Variants in GRIK2 observed in about 807,000 individuals in gnomAD.
GRIK2 encodes the protein glutamate ionotropic receptor kainate type subunit 2, also known as glutamate receptor ionotropic, kainate 2.
GRIK2 carries 32 observed loss-of-function variants against 100.3 expected under a neutral mutation model. The ratio of observed to expected loss-of-function variants is 0.32; its 90% CI spans 0.24 to 0.43. The LOEUF (loss-of-function observed/expected upper bound fraction) is 0.43. Ranked by LOEUF, GRIK2 falls within the 20% of genes least tolerant of loss-of-function variation. GRIK2 has a pLI of 1.00. For synonymous variants in GRIK2, 417 were observed against 389.4 expected, an observed-to-expected ratio of 1.07 and a Z score of -0.83; for missense variants, 843 against 1,114.9, an observed-to-expected ratio of 0.76 and a Z score of 3.47.
intron 12 of GRIK2, among the ~76,000 whole-genome samples, chr6:101,901,302 A>G (rs1787832228): frequency 6.6e-6 from 1 of 152,068 alleles, no homozygotes; most frequent in Non-Finnish European, 1.5e-5. Flanking sequence ...AAAAAAATGT[A>G]TATTGATAGC....
chr6:101,481,705 T>G (rs1468925622), intron 2 of GRIK2, among the ~76,000 whole-genome samples: 1 of 152,160 alleles, frequency 6.6e-6, no homozygotes, highest in African/African-American at 2.4e-5. Context: ...TTAAATATAT[T>G]TTGCCATGTA....
At position 101,964,172 on chromosome 6, in the gene GRIK2, A is replaced by G. The variant is rs184228594; in HGVS notation, c.2085+35540A>G. 2.3e-3 allele frequency among the ~76,000 whole-genome samples: 349 copies of G among 150,900 alleles called. 7 individuals carry two copies. The highest frequency in any genetic ancestry group is 0.019 in the East Asian group (100 of 5,166). On this transcript the variant is annotated intron_variant, in intron 14 of 16. Coordinates refer to ENST00000369134, the MANE Select transcript of GRIK2 (RefSeq NM_021956.5). ...TATTTCATTAATGTATAATATATAC[A>G]TACTATATCATTACACATATAACAT...
chr6:101,485,064 C>A (rs771933647), intron 2 of GRIK2, among the ~76,000 whole-genome samples: 17 of 152,124 alleles, frequency 1.1e-4, no homozygotes, highest in Non-Finnish European at 2.9e-5. Flanking sequence ...AGTACAATGA[C>A]AACAACCTTG....
At chr6:101,871,180 C>T (rs1043977606) in intron 11 of GRIK2, among the ~76,000 whole-genome samples, 1 of 151,632 alleles carries the variant, frequency 6.6e-6, no homozygotes, top group Non-Finnish European at 1.5e-5. Context: ...TCCTGGGCAA[C>T]ACATGGTTTA....
intron 7 of GRIK2, among the ~76,000 whole-genome samples, chr6:101,687,924 T>C (rs1225153963): frequency 6.6e-6 from 1 of 150,946 alleles, no homozygotes; most frequent in Non-Finnish European, 1.5e-5. Context: ...CTAGAAAAAA[T>C]TATAAATGTT....
At chr6:101,777,528 C>G (rs1435189005) in intron 7 of GRIK2, among the ~76,000 whole-genome samples, 2 of 151,994 alleles carry the variant, frequency 1.3e-5, no homozygotes, top group East Asian at 1.9e-4. Context: ...ATTTTTCAAG[C>G]AAGAAAATCT....
At chr6:101,892,739 A>G (rs1007666516) in intron 12 of GRIK2, among the ~76,000 whole-genome samples, 1 of 151,848 alleles carries the variant, frequency 6.6e-6, no homozygotes, top group Non-Finnish European at 1.5e-5. Context: ...TGTATTAAGC[A>G]ATATATAATA....
chr6:101,932,611 A>G (rs548084211), intron 14 of GRIK2, among the ~76,000 whole-genome samples: 1 of 151,408 alleles, frequency 6.6e-6, no homozygotes, highest in South Asian at 2.1e-4. Flanking sequence ...CATTATTGTT[A>G]AATTACTAAT....
At chr6:101,581,235 C>CAT (rs34699853) in intron 2 of GRIK2, among the ~76,000 whole-genome samples, 53,352 of 150,470 alleles carry the variant, frequency 0.35, 10,381 homozygotes, top group African/African-American at 0.52. Context: ...CACTCACACA[C>CAT]ATATATGTGT....
At chr6:101,733,891 C>G (rs2128372920) in intron 7 of GRIK2, among the ~76,000 whole-genome samples, 1 of 152,110 alleles carries the variant, frequency 6.6e-6, no homozygotes, top group East Asian at 1.9e-4. Flanking sequence ...TAATTTGTAA[C>G]AAGAATCACA....
intron 9 of GRIK2, among the ~76,000 whole-genome samples, chr6:101,817,049 T>G (rs994256433): frequency 1.3e-5 from 2 of 152,200 alleles, no homozygotes; most frequent in Admixed American, 1.3e-4. Flanking sequence ...CCTGAAGCCT[T>G]TCATTATTGA....
intron 9 of GRIK2, among the ~76,000 whole-genome samples, chr6:101,804,363 A>G (rs189665574): frequency 4.5e-4 from 69 of 152,102 alleles, no homozygotes; most frequent in African/African-American, 1.6e-3. Flanking sequence ...TTAGAACACA[A>G]TGTGAGTTTA....
At chr6:101,441,040 C>T (rs1360533268) in intron 2 of GRIK2, among the ~76,000 whole-genome samples, 4 of 149,708 alleles carry the variant, frequency 2.7e-5, no homozygotes, top group African/African-American at 7.4e-5. Flanking sequence ...TGCAGTGTTG[C>T]AATCATAGCT....
intron 10 of GRIK2, among the ~76,000 whole-genome samples, chr6:101,845,920 A>G (rs1783781089): frequency 6.6e-6 from 1 of 152,086 alleles, no homozygotes. Flanking sequence ...AATGATGTTG[A>G]GCATGTTTCT....
intron 2 of GRIK2, among the ~76,000 whole-genome samples, chr6:101,462,105 CT>C (rs1253558707): frequency 7.9e-5 from 12 of 152,106 alleles, no homozygotes; most frequent in Admixed American, 7.9e-4. Context: ...TAATATACCT[CT>C]TTCAGGGTGT....
At chr6:102,018,288 C>A (rs939574875) in intron 14 of GRIK2, among the ~76,000 whole-genome samples, 3 of 152,090 alleles carry the variant, frequency 2.0e-5, no homozygotes, top group African/African-American at 7.2e-5. Flanking sequence ...CTGGAAGGAA[C>A]TGGAATTGTG....
At chr6:101,754,598 A>C (rs1765984860) in intron 7 of GRIK2, among the ~76,000 whole-genome samples, 2 of 152,226 alleles carry the variant, frequency 1.3e-5, no homozygotes, top group Admixed American at 6.5e-5. Flanking sequence ...CAGTCTCACG[A>C]GGGAAATAGA....
intron 9 of GRIK2, among the ~76,000 whole-genome samples, chr6:101,812,041 T>A (rs1450480118): frequency 2.0e-5 from 3 of 151,300 alleles, no homozygotes; most frequent in Non-Finnish European, 4.4e-5. Flanking sequence ...ACTTATAAAA[T>A]ATAATTAGGA....
chr6:101,539,508 A>G (rs944580602), intron 2 of GRIK2, among the ~76,000 whole-genome samples: 1 of 151,828 alleles, frequency 6.6e-6, no homozygotes, highest in South Asian at 2.1e-4. Context: ...TTAATTGCCT[A>G]AAGTTTTAAA....
Sources: allele counts gnomAD v4.1 joint callset (sites outside exome capture counted in the v4.1 genomes callset), GRCh38; gene constraint gnomAD v4.1.1; transcripts MANE v1.5; gene names NCBI Gene and HGNC (gene_info 2026-07-23, HGNC 2026-07-21).